HIKESHI: variants seen among roughly 807,000 people sequenced by gnomAD.
HIKESHI encodes the protein heat shock protein nuclear import factor hikeshi, also known as protein Hikeshi.
A neutral mutation model predicts 25.7 loss-of-function variants in HIKESHI; 13 were observed. The ratio of observed to expected loss-of-function variants is 0.51; its 90% CI spans 0.33 to 0.80. HIKESHI has a LOEUF of 0.80. Ranked by LOEUF, HIKESHI falls within the 30% of genes least tolerant of loss-of-function variation. The pLI is 0.02. For synonymous variants in HIKESHI, 76 were observed against 78.7 expected, an observed-to-expected ratio of 0.97 and a Z score of 0.18; for missense variants, 174 against 229.5, an observed-to-expected ratio of 0.76 and a Z score of 1.56.
chr11:86,326,663 A>C (rs1006879409), intron 2 of HIKESHI: 28 of 395,996 alleles, frequency 7.1e-5, no homozygotes, highest in Non-Finnish European at 1.2e-4. Flanking sequence ...CTGGAGCATG[A>C]ACTTGAAATA....
chr11:86,336,851 G>C (rs931956269), intron 2 of HIKESHI, among the ~76,000 whole-genome samples: 25 of 151,862 alleles, frequency 1.6e-4, no homozygotes, highest in African/African-American at 6.0e-4. Context: ...CACATGCAAG[G>C]ATCCTTGCTA....
chr11:86,306,462 A>G lies in HIKESHI; in HGVS notation c.248A>G (p.Lys83Arg). Reference sequence around the variant, plus strand: ...AATGGGAAGCCAAGTGCCATCTTCAAAATTTCAGGTCTTAAATCTGGTAAG... The same window carrying G: ...AATGGGAAGCCAAGTGCCATCTTCAGAATTTCAGGTCTTAAATCTGGTAAG... ...VTNGKPSAIFKISGLKSGEGS... is the reference protein window; with the variant it reads ...VTNGKPSAIFRISGLKSGEGS... The change falls in exon 2 of 5, where the codon AAA (lysine) becomes AGA (arginine). Residue 83 changes from lysine to arginine, a missense_variant. By Grantham distance (26) the Lys-to-Arg change is conservative. Coordinates refer to ENST00000278483, the MANE Select transcript of HIKESHI (RefSeq NM_016401.4). The G allele has an allele frequency of 1.2e-6, 2 of 1,605,560 alleles. No individual in the cohort carries two copies. The highest frequency in any genetic ancestry group is 1.1e-5 in the South Asian group (1 of 90,766).
At chr11:86,318,130 C>A (rs998478765) in intron 2 of HIKESHI, among the ~76,000 whole-genome samples, 3 of 151,116 alleles carry the variant, frequency 2.0e-5, no homozygotes, top group Non-Finnish European at 2.9e-5. Context: ...CGTTGAAACC[C>A]CATCTCTACT....
In HIKESHI at chr11:86,326,732, A is replaced by G. The variant is rs190123664; in HGVS notation, c.269-10647A>G. The G allele has an allele frequency of 2.2e-3, 760 of 338,436 alleles. 2 individuals are homozygous for G. Among genetic ancestry groups the G allele is most frequent in the Non-Finnish European group, 3.3e-3 (571 of 171,088 alleles). The allele number at this position is 338,436 out of a possible 1,614,324, so 21.0% of individuals were successfully genotyped here. On this transcript the variant is annotated intron_variant, in intron 2 of 4. Transcript: ENST00000278483. The stretch of plus-strand genomic sequence containing the variant: ...ATGGGAATCACACTTGGAGGTGATT[A>G]AAGTCATAAAACTAGAAATATGCAG...
chr11:86,314,736 C>T (rs181736792), intron 2 of HIKESHI, among the ~76,000 whole-genome samples: 1 of 152,212 alleles, frequency 6.6e-6, no homozygotes, highest in African/African-American at 2.4e-5. Flanking sequence ...GATTAAGTCC[C>T]TATAGTCCTT....
At position 86,306,313 on chromosome 11, in the gene HIKESHI, C is replaced by G. The variant is rs144440797; in HGVS notation, c.99C>G (p.Ile33Met). The G allele has an allele frequency of 6.2e-7, 1 of 1,614,090 alleles. No homozygotes were observed. Among genetic ancestry groups the G allele is most frequent in the South Asian group, 1.1e-5 (1 of 91,074 alleles). ...FVFDLPDYES[I>M]NHVVVFMLGT... Reference sequence around the variant, plus strand: ...TTGACTTACCTGATTATGAAAGTATCAACCATGTTGTGGTTTTTATGCTGG... The same window carrying G: ...TTGACTTACCTGATTATGAAAGTATGAACCATGTTGTGGTTTTTATGCTGG... The change falls in exon 2 of 5, where the codon ATC becomes ATG. Residue 33 changes from isoleucine to methionine, a missense_variant. Coordinates refer to ENST00000278483, the MANE Select transcript of HIKESHI (RefSeq NM_016401.4).
At chr11:86,339,204 C>T (rs1451358907) in intron 3 of HIKESHI, among the ~76,000 whole-genome samples, 1 of 106,426 alleles carries the variant, frequency 9.4e-6, no homozygotes, top group African/African-American at 3.5e-5. Context: ...CGCCACCAGG[C>T]CCAGCTAATT....
intron 2 of HIKESHI, among the ~76,000 whole-genome samples, chr11:86,330,554 A>C (rs2094860753): frequency 6.6e-6 from 1 of 152,140 alleles, no homozygotes; most frequent in African/African-American, 2.4e-5. Flanking sequence ...AATATCATTT[A>C]CTCACTTTTA....
Position 86,337,426 on chromosome 11 carries a change from C to G in HIKESHI, c.316C>G (p.Pro106Ala), listed in dbSNP as rs1947596869. ...PFGAMNIVRT[P>A]SVAQIGISVE... ...TGGAGCCATGAATATTGTCCGAACT[C>G]CATCTGTTGCTCAGATTGGAATTTC... is the stretch of plus-strand genomic sequence containing the variant. The change falls in exon 3 of 5, where the codon CCA becomes GCA. Residue 106 changes from proline (P) to alanine (A), a missense_variant. Physicochemically the swap from Pro to Ala is conservative, Grantham distance 27. Transcript: ENST00000278483. 6.2e-7 allele frequency: 1 copy of G among 1,613,880 alleles called. No homozygotes were observed. Among genetic ancestry groups the G allele is most frequent in the Non-Finnish European group, 8.5e-7 (1 of 1,179,970 alleles).
chr11:86,303,060 C>T (rs1196708529), intron 1 of HIKESHI, among the ~76,000 whole-genome samples: 1 of 152,080 alleles, frequency 6.6e-6, no homozygotes, highest in Admixed American at 6.5e-5. Context: ...CTGAGATAAC[C>T]AGAGAAGGAT....
intron 2 of HIKESHI, among the ~76,000 whole-genome samples, chr11:86,334,259 T>C (rs1947490295): frequency 7.2e-6 from 1 of 139,082 alleles, no homozygotes; most frequent in South Asian, 2.4e-4. Flanking sequence ...TGTGTGTGTG[T>C]GTGTGTGTGT....
At position 86,302,413 on chromosome 11, in the gene HIKESHI, T is replaced by C; in HGVS notation, c.-36T>C. ...GCCCCAGGACTCCTAGTCGCCGGCT[T>C]CAGGTCACTGCCGGCTGAACGGAGC... On this transcript the variant is annotated 5_prime_UTR_variant, in exon 1 of 5. Transcript: ENST00000278483. 1.3e-6 allele frequency: 2 copies of C among 1,551,432 alleles called. No homozygotes were observed. The highest frequency in any genetic ancestry group is 1.7e-6 in the Non-Finnish European group (2 of 1,147,004).
At position 86,332,919 on chromosome 11, in the gene HIKESHI, G is replaced by A. The variant is rs566901122; in HGVS notation, c.269-4460G>A. ...CATGTTGCATTGCCCAAAAGATTAT[G>A]CCACCTTTTAAGTAATATAAAAGGA... is the stretch of plus-strand genomic sequence containing the variant. On this transcript the variant is annotated intron_variant, in intron 2 of 4. Coordinates refer to ENST00000278483, the MANE Select transcript of HIKESHI (RefSeq NM_016401.4). Among the ~76,000 whole-genome samples, 6 of 152,294 alleles carry A rather than the reference G, an allele frequency of 3.9e-5. No homozygotes were observed. The South Asian group carries it at 1.0e-3, about 26-fold the overall frequency.
intron 2 of HIKESHI, among the ~76,000 whole-genome samples, chr11:86,329,574 C>CTTTTTTTTT (rs71040232): frequency 4.2e-5 from 6 of 143,872 alleles, no homozygotes; most frequent in African/African-American, 1.5e-4. Flanking sequence ...CCTGTGATTT[C>CTTTTTTTTT]TTTTTTTTTT....
intron 3 of HIKESHI, among the ~76,000 whole-genome samples, chr11:86,337,920 C>T (rs1264911918): frequency 6.6e-6 from 1 of 152,112 alleles, no homozygotes; most frequent in Non-Finnish European, 1.5e-5. Context: ...GCCTCGGCCT[C>T]CCAAAGTGCT....
chr11:86,341,347 C>T lies in HIKESHI; in HGVS notation c.421-3256C>T, dbSNP rs531952546. On this transcript the variant is annotated intron_variant, in intron 3 of 4. Coordinates refer to ENST00000278483, the MANE Select transcript of HIKESHI (RefSeq NM_016401.4). ...TTTTCTTGTATAATTTTTCATTTTTCCTCATTTTTTTCCTTTGCATAGATT... is the reference window on the plus strand; with the variant it reads ...TTTTCTTGTATAATTTTTCATTTTTTCTCATTTTTTTCCTTTGCATAGATT... Among the ~76,000 whole-genome samples, 285 of 92,702 alleles carry T rather than the reference C, an allele frequency of 3.1e-3. 1 individual carries two copies. The highest frequency in any genetic ancestry group is 0.011 in the African/African-American group (278 of 25,498). 60.8% of individuals were successfully genotyped at this position (92,702 alleles called of 152,430 possible).
At chr11:86,344,137 G>A (rs1353241867) in intron 3 of HIKESHI, 1 of 152,328 alleles carries the variant, frequency 6.6e-6, no homozygotes, top group African/African-American at 2.4e-5. Context: ...TCTTAGAGAT[G>A]GTTACTATTT....
At chr11:86,340,419 T>G (rs1947694315) in intron 3 of HIKESHI, among the ~76,000 whole-genome samples, 1 of 152,184 alleles carries the variant, frequency 6.6e-6, no homozygotes, top group Non-Finnish European at 1.5e-5. Context: ...ATCTGTTGTT[T>G]CCTGACTTTT....
chr11:86,304,196 T>G (rs1946561660), intron 1 of HIKESHI, among the ~76,000 whole-genome samples: 1 of 152,338 alleles, frequency 6.6e-6, no homozygotes, highest in South Asian at 2.1e-4. Context: ...GATACTACTT[T>G]ATAACTAATA....
Sources: gnomAD v4.1 joint callset for allele counts (sites outside exome capture counted in the v4.1 genomes callset) on GRCh38, gnomAD v4.1.1 for gene constraint, MANE v1.5 for transcripts, NCBI Gene and HGNC (gene_info 2026-07-23, HGNC 2026-07-21) for gene names.